The following DSCAM variants were observed in gnomAD, a reference collection of about 807,000 sequenced individuals.
DSCAM encodes the protein cell adhesion molecule DSCAM.
In DSCAM, 47 loss-of-function variants were observed where a neutral mutation model predicts 217.7. The observed-to-expected ratio is 0.22, with a 90% confidence interval of 0.17 to 0.28. DSCAM has a LOEUF of 0.28. Among genes scored for constraint, DSCAM ranks in the 10% least tolerant of loss-of-function variants. The pLI is 1.00. For missense variants in DSCAM, 2,080 were observed against 2,618.3 expected (o/e 0.79, Z 4.49); for synonymous variants, 1,056 against 1,015.3 (o/e 1.04, Z -0.76).
chr21:40,044,123 C>A lies in DSCAM; in HGVS notation c.5338G>T (p.Asp1780Tyr). 6.2e-7 allele frequency: 1 copy of A among 1,614,140 alleles called. No homozygotes were observed. Among genetic ancestry groups the A allele is most frequent in the Non-Finnish European group, 8.5e-7 (1 of 1,180,046 alleles). The change falls in exon 31 of 33, where the codon GAC becomes TAC. Residue 1780 changes from aspartate (D) to tyrosine (Y), a missense_variant. Transcript: ENST00000400454. ...ACGCTGTAACTGTCGCTCTCTTTGTCTACTGATCCTGCAGCCCTGGGTGTT... is the reference window on the plus strand; with the variant it reads ...ACGCTGTAACTGTCGCTCTCTTTGTATACTGATCCTGCAGCCCTGGGTGTT... ...LPTPRAAGSV[D>Y]KESDSYSVSP...
intron 1 of DSCAM, among the ~76,000 whole-genome samples, chr21:40,803,606 G>A (rs2123508707): frequency 6.6e-6 from 1 of 152,208 alleles, no homozygotes; most frequent in East Asian, 1.9e-4. Flanking sequence ...TGACATATGT[G>A]TGATTCTATT....
intron 3 of DSCAM, among the ~76,000 whole-genome samples, chr21:40,481,889 C>T (rs1160053490): frequency 6.6e-6 from 1 of 152,178 alleles, no homozygotes; most frequent in Admixed American, 6.5e-5. Flanking sequence ...TATGAAGCTA[C>T]AGCAAATGAA....
At chr21:40,597,784 T>A (rs2077033130) in intron 3 of DSCAM, among the ~76,000 whole-genome samples, 2 of 152,124 alleles carry the variant, frequency 1.3e-5, no homozygotes, top group Non-Finnish European at 2.9e-5. Flanking sequence ...AGTGCTGGGA[T>A]TACAGGCGTG....
intron 20 of DSCAM, among the ~76,000 whole-genome samples, chr21:40,097,673 G>A (rs1055672676): frequency 1.2e-4 from 18 of 152,114 alleles, no homozygotes; most frequent in African/African-American, 3.1e-4. Context: ...CAGGTGCGGT[G>A]GCTCACGCCT....
At chr21:40,423,679 C>T (rs1286017488) in intron 3 of DSCAM, among the ~76,000 whole-genome samples, 2 of 152,094 alleles carry the variant, frequency 1.3e-5, no homozygotes, top group Admixed American at 6.5e-5. Context: ...TGCCTTATAC[C>T]CCTTGGTCGA....
chr21:40,555,732 A>G (rs2076666375), intron 3 of DSCAM, among the ~76,000 whole-genome samples: 1 of 152,170 alleles, frequency 6.6e-6, no homozygotes, highest in Admixed American at 6.5e-5. Flanking sequence ...TTCTGCTCCC[A>G]AGTGATCAAC....
chr21:40,492,869 G>A (rs1601687595), intron 3 of DSCAM, among the ~76,000 whole-genome samples: 1 of 152,032 alleles, frequency 6.6e-6, no homozygotes, highest in African/African-American at 2.4e-5. Context: ...TAAATATACA[G>A]GTACAGAAAA....
intron 3 of DSCAM, among the ~76,000 whole-genome samples, chr21:40,518,990 T>G (rs535122730): frequency 1.3e-5 from 2 of 152,284 alleles, no homozygotes; most frequent in Admixed American, 6.5e-5. Context: ...AACATAATGT[T>G]AAGTACTTCA....
intron 27 of DSCAM, among the ~76,000 whole-genome samples, chr21:40,063,715 C>T (rs368194484): frequency 1.3e-5 from 2 of 152,170 alleles, no homozygotes; most frequent in African/African-American, 2.4e-5. Context: ...GACAGTGTGA[C>T]CAGCTCTGCA....
chr21:40,060,993 AATGT>A (rs1432353828), intron 28 of DSCAM, among the ~76,000 whole-genome samples: 3 of 152,166 alleles, frequency 2.0e-5, no homozygotes, highest in African/African-American at 7.2e-5. Flanking sequence ...TTCTCCTGGA[AATGT>A]GATGAAGTAC....
intron 3 of DSCAM, among the ~76,000 whole-genome samples, chr21:40,692,413 T>G (rs79388864): frequency 0.047 from 7,167 of 152,188 alleles, 203 homozygotes; most frequent in East Asian, 0.11. Context: ...CACCAAAAGG[T>G]CATGAAAACA....
chr21:40,231,610 C>T (rs2091383112), intron 11 of DSCAM, among the ~76,000 whole-genome samples: 1 of 152,048 alleles, frequency 6.6e-6, no homozygotes, highest in Non-Finnish European at 1.5e-5. Flanking sequence ...TCAAGTGATC[C>T]TCCCACGTCA....
chr21:40,686,697 T>C (rs1423664510), intron 3 of DSCAM, among the ~76,000 whole-genome samples: 2 of 152,176 alleles, frequency 1.3e-5, no homozygotes, highest in East Asian at 1.9e-4. Flanking sequence ...GCTGAGGCCC[T>C]GCAGACTAGC....
intron 32 of DSCAM, among the ~76,000 whole-genome samples, chr21:40,033,604 GC>G (rs770884994): frequency 6.6e-6 from 1 of 151,508 alleles, no homozygotes; most frequent in African/African-American, 2.4e-5. Flanking sequence ...GGGGAGGGGG[GC>G]CCCCCATTGC....
At chr21:40,275,245 C>T (rs1601508433) in intron 11 of DSCAM, among the ~76,000 whole-genome samples, 2 of 151,952 alleles carry the variant, frequency 1.3e-5, no homozygotes, top group East Asian at 3.9e-4. Flanking sequence ...TGGGAGAATC[C>T]CTTGAGCTCA....
chr21:40,030,359 G>A (rs965181852), intron 32 of DSCAM, among the ~76,000 whole-genome samples: 5 of 152,166 alleles, frequency 3.3e-5, no homozygotes, highest in Non-Finnish European at 7.4e-5. Flanking sequence ...CCCGACTGTG[G>A]TGAGTGCTGG....
chr21:40,038,829 A>G (rs1568905310), intron 32 of DSCAM, among the ~76,000 whole-genome samples: 1 of 151,356 alleles, frequency 6.6e-6, no homozygotes, highest in Non-Finnish European at 1.5e-5. Context: ...ATGGAACACT[A>G]TGCAGCCATT....
intron 1 of DSCAM, among the ~76,000 whole-genome samples, chr21:40,753,596 G>A (rs1389245778): frequency 1.3e-5 from 2 of 152,172 alleles, no homozygotes; most frequent in Non-Finnish European, 2.9e-5. Context: ...ATTGCTGGGT[G>A]CACATTACTA....
chr21:40,760,048 C>A (rs1392009653), intron 1 of DSCAM, among the ~76,000 whole-genome samples: 1 of 151,708 alleles, frequency 6.6e-6, no homozygotes, highest in Non-Finnish European at 1.5e-5. Context: ...GGCTGGAATG[C>A]AGTGGCAGGA....
Sources: allele counts gnomAD v4.1 joint callset (sites outside exome capture counted in the v4.1 genomes callset), GRCh38; gene constraint gnomAD v4.1.1; transcripts MANE v1.5; gene names NCBI Gene and HGNC (gene_info 2026-07-23, HGNC 2026-07-21).